The following KLHL20 variants were observed in gnomAD, a reference collection of about 807,000 sequenced individuals.
KLHL20 encodes kelch like family member 20.
In KLHL20, 29 loss-of-function variants were observed where a neutral mutation model predicts 69.5. The ratio of observed to expected loss-of-function variants is 0.42; its 90% CI spans 0.31 to 0.57. The LOEUF (loss-of-function observed/expected upper bound fraction) is 0.57. KLHL20 is among the 20% of genes least tolerant of loss of function. KLHL20 has a pLI of 0.18. For missense variants in KLHL20, 419 were observed against 776.0 expected (o/e 0.54, Z 5.47); for synonymous variants, 253 against 265.2 (o/e 0.95, Z 0.45).
chr1:173,769,493 T>A (rs1426921971), intron 8 of KLHL20, among the ~76,000 whole-genome samples: 1 of 152,000 alleles, frequency 6.6e-6, no homozygotes, highest in Non-Finnish European at 1.5e-5. Flanking sequence ...GTGAATAAAG[T>A]CAATAAATCT....
intron 3 of KLHL20, among the ~76,000 whole-genome samples, chr1:173,735,075 G>T (rs1294654025): frequency 5.3e-5 from 8 of 152,174 alleles, no homozygotes; most frequent in African/African-American, 1.2e-4. Flanking sequence ...AGAGACCAAG[G>T]GGGGTAGAGG....
At chr1:173,760,042 A>G (rs1673728990) in intron 7 of KLHL20, among the ~76,000 whole-genome samples, 1 of 152,198 alleles carries the variant, frequency 6.6e-6, no homozygotes, top group African/African-American at 2.4e-5. Flanking sequence ...AAATTCAGGA[A>G]ACTTTGGACA....
At chr1:173,716,332 A>G (rs559811068) in intron 2 of KLHL20, among the ~76,000 whole-genome samples, 69 of 152,290 alleles carry the variant, frequency 4.5e-4, no homozygotes, top group African/African-American at 1.6e-3. Context: ...GTAAATAATC[A>G]TTAAGTTCAT....
intron 7 of KLHL20, 35 bp downstream of exon 7, chr1:173,757,194 A>G: frequency 6.6e-7 from 1 of 1,523,274 alleles, no homozygotes. Context: ...TCTCTCTACT[A>G]TTCATATAGT....
chr1:173,751,595 T>G (rs1305334435), intron 3 of KLHL20, among the ~76,000 whole-genome samples, 169 bp from the exon 4 acceptor site: 2 of 152,242 alleles, frequency 1.3e-5, no homozygotes, highest in Non-Finnish European at 2.9e-5. Flanking sequence ...TTTAATGGTG[T>G]CTTCTGTACC....
intron 3 of KLHL20, among the ~76,000 whole-genome samples, chr1:173,741,122 G>C (rs1672791563): frequency 6.6e-6 from 1 of 152,160 alleles, no homozygotes; most frequent in African/African-American, 2.4e-5. Flanking sequence ...GGTGGGCTTT[G>C]CCCTTCTCAT....
intron 9 of KLHL20, 106 bp from the exon 10 acceptor site, chr1:173,775,528 T>C (rs549350631): frequency 1.1e-6 from 1 of 887,670 alleles, no homozygotes; most frequent in African/African-American, 1.7e-5. Flanking sequence ...AATCAGATCA[T>C]GTGTTGAAAA....
intron 11 of KLHL20, among the ~76,000 whole-genome samples, chr1:173,782,780 C>T (rs1271415644): frequency 6.6e-6 from 1 of 152,142 alleles, no homozygotes; most frequent in Non-Finnish European, 1.5e-5. Context: ...TTTAATTTTA[C>T]TTTGCTTTTA....
In KLHL20 at chr1:173,786,273, T is replaced by A. The variant is rs1649197645; in HGVS notation, c.*1026T>A. ...AAAGAGTGTAAAATCAATTGAGGCA[T>A]TTTATTAATATCTTGGTTCTTTTAT... On this transcript the variant is annotated 3_prime_UTR_variant, in exon 12 of 12. Transcript: ENST00000209884. 1 of 152,620 alleles carries A rather than the reference T, an allele frequency of 6.6e-6. No homozygotes were observed. The highest frequency in any genetic ancestry group is 2.4e-5 in the African/African-American group (1 of 41,462). 9.5% of individuals were successfully genotyped at this position (152,620 alleles called of 1,614,324 possible).
chr1:173,772,182 A>C (rs1325684059), intron 8 of KLHL20, among the ~76,000 whole-genome samples: 1 of 152,234 alleles, frequency 6.6e-6, no homozygotes, highest in Non-Finnish European at 1.5e-5. Context: ...TTTATTTCCC[A>C]CTTAAAGAAA....
Position 173,734,273 on chromosome 1 carries a change from A to G in KLHL20, c.584A>G (p.His195Arg), listed in dbSNP as rs199856641. The change falls in exon 3 of 12, where the codon CAT (histidine) becomes CGT (arginine). Residue 195 changes from histidine (H) to arginine (R), a missense_variant. Physicochemically the swap from His to Arg is conservative, Grantham distance 29 (BLOSUM62 0). This residue lies in a region of KLHL20 where 99 missense variants were observed against 240.7 expected (regional missense o/e 0.41). Transcript: ENST00000209884. The part of the protein sequence containing the change: ...LLRIADKFTQ[H>R]NFQEVMESEE... ...AGGATAGCAGACAAGTTCACCCAAC[A>G]TAACTTTCAAGAGGTGAGTTGCACT... The G allele has an allele frequency of 9.4e-5, 152 of 1,614,086 alleles. No homozygotes were observed. The highest frequency in any genetic ancestry group is 2.0e-5 in the Non-Finnish European group (24 of 1,180,024).
rs1240806184 is a variant in KLHL20 at position 173,716,841 on chromosome 1, TATAACTC to T, written c.23+777_23+783del. ...AACATTTTATAATGGGAATATGACT[TATAACTC>T]AGAACTTGGAGCAAGAACCAGAATG... On this transcript the variant is annotated intron_variant, in intron 2 of 11. Coordinates refer to ENST00000209884, the MANE Select transcript of KLHL20 (RefSeq NM_014458.4). 2.0e-5 allele frequency among the ~76,000 whole-genome samples: 3 copies of T among 152,336 alleles called. No homozygotes were observed. The East Asian group carries it at 5.8e-4, about 29-fold the overall frequency.
intron 7 of KLHL20, among the ~76,000 whole-genome samples, chr1:173,763,866 T>TAAAA (rs60028962): frequency 0.021 from 2,457 of 119,468 alleles, 85 homozygotes; most frequent in African/African-American, 0.065. Flanking sequence ...GCAAATGCAA[T>TAAAA]AAAAAAAAAA....
chr1:173,751,554 C>T (rs1673314686), intron 3 of KLHL20, among the ~76,000 whole-genome samples: 1 of 151,990 alleles, frequency 6.6e-6, no homozygotes, highest in Non-Finnish European at 1.5e-5. Context: ...TCTTAAATTG[C>T]TTGACTCACA....
At chr1:173,731,095 A>T (rs1266134981) in intron 2 of KLHL20, among the ~76,000 whole-genome samples, 2 of 152,242 alleles carry the variant, frequency 1.3e-5, no homozygotes, top group Non-Finnish European at 2.9e-5. Flanking sequence ...ACATTTATGC[A>T]GCCAAAAGAC....
chr1:173,723,475 A>G (rs915769447), intron 2 of KLHL20, among the ~76,000 whole-genome samples: 1 of 152,216 alleles, frequency 6.6e-6, no homozygotes, highest in Non-Finnish European at 1.5e-5. Flanking sequence ...ATATCTTTGC[A>G]ATGCACATGC....
At chr1:173,774,462 A>C in intron 9 of KLHL20, 24 bp downstream of exon 9, 1 of 1,613,424 alleles carries the variant, frequency 6.2e-7, no homozygotes, top group African/African-American at 1.3e-5. Flanking sequence ...AAAGGCAATC[A>C]GGTTCCCCAA....
In KLHL20 at chr1:173,728,334, C is replaced by G. The variant is rs570998304; in HGVS notation, c.24-5379C>G. Among the ~76,000 whole-genome samples the G allele has an allele frequency of 1.0e-3, 159 of 152,136 alleles. 1 individual carries two copies. The highest frequency in any genetic ancestry group is 3.8e-3 in the African/African-American group (156 of 41,452). On this transcript the variant is annotated intron_variant, in intron 2 of 11. Transcript: ENST00000209884. ...CCACTGTCAACATTAGACAGATCAA[C>G]GAGACAGAAAGTTAACAAGGATATC...
At chr1:173,762,977 C>T (rs534440318) in intron 7 of KLHL20, among the ~76,000 whole-genome samples, 1 of 152,252 alleles carries the variant, frequency 6.6e-6, no homozygotes, top group African/African-American at 2.4e-5. Flanking sequence ...CTTGAAAATC[C>T]TAAGGACTCC....
Sources: gnomAD v4.1 joint callset for allele counts (sites outside exome capture counted in the v4.1 genomes callset) on GRCh38, gnomAD v4.1.1 for gene constraint, gnomAD v4.1.1 regional missense constraint, MANE v1.5 for transcripts, NCBI Gene and HGNC (gene_info 2026-07-23, HGNC 2026-07-21) for gene names.